The following ZNF701 variants were observed in gnomAD, a reference collection of about 807,000 sequenced individuals.
The protein encoded by ZNF701 is zinc finger protein 701.
In ZNF701, 6 loss-of-function variants were observed where a neutral mutation model predicts 7.1. That is an observed-to-expected ratio of 0.84 (90% CI 0.46 to 1.66). The LOEUF is 1.66. ZNF701 is among the 40% of genes most tolerant of loss of function. The pLI is 0.01. For missense variants in ZNF701, 541 were observed against 559.2 expected (o/e 0.97, Z 0.33); for synonymous variants, 166 against 188.2 (o/e 0.88, Z 0.97).
In ZNF701 at chr19:52,575,909, C is replaced by G. The variant is rs1225685227; in HGVS notation, c.30C>G (p.Phe10Leu). ...TTTCCTTTCAGGGTCTACTGACATT[C>G]AGGGATGTGGCCATAGAATTCTCTC... MALLQGLLT[F>L]RDVAIEFSQE... The change falls in exon 3 of 4, where the codon TTC becomes TTG. Residue 10 changes from phenylalanine (F) to leucine (L), a missense_variant. By Grantham distance (22) the Phe-to-Leu change is conservative (BLOSUM62 0). Coordinates refer to ENST00000391785, the MANE Select transcript of ZNF701 (RefSeq NM_018260.3). The G allele has an allele frequency of 6.5e-7, 1 of 1,533,548 alleles. No homozygotes were observed. 95.0% of individuals were successfully genotyped at this position (1,533,548 alleles called of 1,614,324 possible). A position where few individuals can be genotyped will look rare whatever the true frequency, so the allele number is the denominator to read the frequency against.
At chr19:52,592,947 C>A in the ZNF701 span, among the ~76,000 whole-genome samples, 32 of 115,482 alleles carry the variant, frequency 2.8e-4, 12 homozygotes, top group South Asian at 9.1e-3. Flanking sequence ...TGTTTGTGTC[C>A]CTGGGTACCT....
chr19:52,585,402 G>C lies in ZNF701; in HGVS notation c.*1945G>C, dbSNP rs1193034786. 1 of 152,158 alleles carries C rather than the reference G, an allele frequency of 6.6e-6. No individual in the cohort carries two copies. The highest frequency in any genetic ancestry group is 1.5e-5 in the Non-Finnish European group (1 of 68,114). The allele number at this position is 152,158 out of a possible 1,614,324, so 9.4% of individuals were successfully genotyped here. A position where few individuals can be genotyped will look rare whatever the true frequency, so the allele number is the denominator to read the frequency against. On this transcript the variant is annotated 3_prime_UTR_variant, in exon 4 of 4. Transcript: ENST00000391785. The stretch of plus-strand genomic sequence containing the variant: ...GCCATCGCCCACCACCTCCCTCCTC[G>C]TGCCGGCCCTGCTTCTCCCCAGTTC...
In ZNF701 at chr19:52,582,859, AG is replaced by A; in HGVS notation, c.801del (p.Asn268IlefsTer19). On this transcript the variant is annotated frameshift_variant, in exon 4 of 4. Coordinates refer to ENST00000391785, the MANE Select transcript of ZNF701 (RefSeq NM_018260.3). LOFTEE classifies it low-confidence loss of function (END_TRUNC). ...GCATGCCATAGATGTCACACTGGTG[AG>A]AATCCTTACACGTGTAATGAGTGTG... ...YLACHRCHTGENPYTCNECGK... is the reference protein window; with the variant it reads ...YLACHRCHTGXNPYTCNECGK... 6.2e-7 allele frequency: 1 copy of A among 1,614,178 alleles called. No individual in the cohort carries two copies. The highest frequency in any genetic ancestry group is 1.1e-5 in the South Asian group (1 of 91,082).
At chr19:52,575,555 C>A (rs994587856) in intron 2 of ZNF701, among the ~76,000 whole-genome samples, 2 of 150,206 alleles carry the variant, frequency 1.3e-5, no homozygotes, top group Non-Finnish European at 3.0e-5. Context: ...GGCTAGAATG[C>A]CTTGGTGCAA....
chr19:52,572,157 G>A (rs558732852), intron 1 of ZNF701: 21 of 303,610 alleles, frequency 6.9e-5, no homozygotes, highest in African/African-American at 3.7e-4. Context: ...GGTTTTAAGC[G>A]ATTGTCCTGC....
chr19:52,577,385 G>A (rs2059941781), intron 3 of ZNF701, among the ~76,000 whole-genome samples: 1 of 152,002 alleles, frequency 6.6e-6, no homozygotes, highest in Admixed American at 6.6e-5. Flanking sequence ...GATTACCTAG[G>A]TGCCAAGGCA....
At chr19:52,589,224 C>A (rs1001192552), downstream of ZNF701, among the ~76,000 whole-genome samples, 1 of 152,260 alleles carries the variant, frequency 6.6e-6, no homozygotes, top group African/African-American at 2.4e-5. Flanking sequence ...TGTGGTCTTA[C>A]CACCATGTTC....
chr19:52,582,411 A>G lies in ZNF701; in HGVS notation c.352A>G (p.Lys118Glu). ...GHEALMTKTK[K>E]LMSSTERHDQ... ...TGAAGCACTCATGACAAAAACCAAA[A>G]AGTTGATGAGTAGTACAGAGCGACA... The change falls in exon 4 of 4, where the codon AAG becomes GAG. Residue 118 changes from lysine to glutamate, a missense_variant. By Grantham distance (56) the Lys-to-Glu change is moderately conservative. Coordinates refer to ENST00000391785, the MANE Select transcript of ZNF701 (RefSeq NM_018260.3). 1 of 1,613,264 alleles carries G rather than the reference A, an allele frequency of 6.2e-7. No individual in the cohort carries two copies. Among genetic ancestry groups the G allele is most frequent in the African/African-American group, 1.3e-5 (1 of 74,990 alleles).
the ZNF701 span, chr19:52,597,509 C>T: frequency 2.9e-5 from 11 of 375,970 alleles, 1 homozygote; most frequent in Middle Eastern, 1.9e-3. Flanking sequence ...GTTGACTTAA[C>T]CTTGAGTTTA....
chr19:52,590,654 A>G (rs1459720080), downstream of ZNF701, among the ~76,000 whole-genome samples: 2 of 151,948 alleles, frequency 1.3e-5, no homozygotes, highest in African/African-American at 4.8e-5. Flanking sequence ...GGACAGTGGT[A>G]CAATCTTGGG....
the ZNF701 span, among the ~76,000 whole-genome samples, chr19:52,594,511 TG>T: frequency 4.0e-5 from 5 of 126,254 alleles, no homozygotes; most frequent in African/African-American, 1.6e-4. Context: ...CTGTTTTTTT[TG>T]TTTTTTGTTT....
At chr19:52,587,545 GC>G (rs1303531985), downstream of ZNF701, among the ~76,000 whole-genome samples, 2 of 152,100 alleles carry the variant, frequency 1.3e-5, no homozygotes, top group Non-Finnish European at 2.9e-5. Context: ...ATCTCCCACA[GC>G]CCCCCACTTG....
chr19:52,591,906 G>A (rs187572050), downstream of ZNF701: 346 of 350,024 alleles, frequency 9.9e-4, no homozygotes, highest in Middle Eastern at 0.01. Flanking sequence ...GTGACTTAGG[G>A]GATTTTAAAA....
In ZNF701 at chr19:52,582,857, T is replaced by G. The variant is rs1362860623; in HGVS notation, c.798T>G (p.Gly266=). Residue 266 remains glycine (G), a synonymous_variant, in exon 4 of 4, where the codon GGT becomes GGG. Coordinates refer to ENST00000391785, the MANE Select transcript of ZNF701 (RefSeq NM_018260.3). ...TTGCATGCCATAGATGTCACACTGG[T>G]GAGAATCCTTACACGTGTAATGAGT... The part of the protein sequence containing the change: ...RYLACHRCHT[G]ENPYTCNECG... 2 of 1,614,002 alleles carry G rather than the reference T, an allele frequency of 1.2e-6. No individual in the cohort carries two copies. Among genetic ancestry groups the G allele is most frequent in the East Asian group, 4.5e-5 (2 of 44,896 alleles).
At chr19:52,589,186 T>A (rs935148951), downstream of ZNF701, among the ~76,000 whole-genome samples, 1 of 152,208 alleles carries the variant, frequency 6.6e-6, no homozygotes, top group African/African-American at 2.4e-5. Flanking sequence ...ATGAGAAATT[T>A]CTCACTCTTT....
At position 52,583,280 on chromosome 19, in the gene ZNF701, G is replaced by T; in HGVS notation, c.1221G>T (p.Glu407Asp). The change falls in exon 4 of 4, where the codon GAG (glutamate) becomes GAT (aspartate). Residue 407 changes from glutamate (E) to aspartate (D), a missense_variant. Physicochemically the swap from Glu to Asp is conservative, Grantham distance 45. Transcript: ENST00000391785. ...TGCATAAGGTCATTCATACTGGAGA[G>T]AAACGTTACAAGTGTAATGAATGTG... ...LVMHKVIHTG[E>D]KRYKCNECGK... 1 of 1,613,836 alleles carries T rather than the reference G, an allele frequency of 6.2e-7. No individual in the cohort carries two copies. Among genetic ancestry groups the T allele is most frequent in the Non-Finnish European group, 8.5e-7 (1 of 1,179,878 alleles).
At chr19:52,573,997 G>A (rs1485771701) in intron 1 of ZNF701, 80 bp from the exon 2 acceptor site, 3 of 1,424,782 alleles carry the variant, frequency 2.1e-6, no homozygotes, top group Non-Finnish European at 2.9e-6. Flanking sequence ...CAGAGTGAGG[G>A]CACCTTTGTA....
intron 2 of ZNF701, among the ~76,000 whole-genome samples, 157 bp downstream of exon 2, chr19:52,574,319 T>A (rs570765784): frequency 6.7e-6 from 1 of 149,232 alleles, no homozygotes; most frequent in East Asian, 1.9e-4. Context: ...TCACTTAGAT[T>A]CCATCTCTTG....
At chr19:52,579,639 T>C (rs10460164) in intron 3 of ZNF701, among the ~76,000 whole-genome samples, 93,829 of 139,812 alleles carry the variant, frequency 0.67, 34,329 homozygotes, top group Non-Finnish European at 0.73. Flanking sequence ...TTTGGGAGGC[T>C]GAGGTGGGCA....
Sources: gnomAD v4.1 joint callset for allele counts (sites outside exome capture counted in the v4.1 genomes callset) on GRCh38, gnomAD v4.1.1 for gene constraint, MANE v1.5 for transcripts, NCBI Gene and HGNC (gene_info 2026-07-23, HGNC 2026-07-21) for gene names.